The following MYO1E variants were observed in gnomAD, a reference collection of about 807,000 sequenced individuals.
MYO1E encodes the protein unconventional myosin-Ie.
Under a neutral mutation model 151.1 loss-of-function variants are expected in MYO1E, and 68 were observed. The ratio of observed to expected loss-of-function variants is 0.45; its 90% CI spans 0.37 to 0.55. The LOEUF is 0.55. Ranked by LOEUF, MYO1E falls within the 20% of genes least tolerant of loss-of-function variation. The probability of loss-of-function intolerance (pLI) is 0.00; values close to 1 mark genes in which losing one functional copy is unlikely to be tolerated. For missense variants in MYO1E, 1,363 were observed against 1,389.3 expected, an observed-to-expected ratio of 0.98 and a Z score of 0.30; for synonymous variants, 601 against 501.7, an observed-to-expected ratio of 1.20 and a Z score of -2.64.
chr15:59,157,654 G>T (rs976658613), intron 25 of MYO1E, among the ~76,000 whole-genome samples: 6 of 152,212 alleles, frequency 3.9e-5, no homozygotes, highest in African/African-American at 1.4e-4. Flanking sequence ...GGCAATTTGG[G>T]TATGCCAAAG....
chr15:59,152,466 G>T (rs2079487210), intron 26 of MYO1E, among the ~76,000 whole-genome samples: 3 of 152,124 alleles, frequency 2.0e-5, no homozygotes. Context: ...AGCAGACAGA[G>T]CCACTCCACC....
intron 1 of MYO1E, among the ~76,000 whole-genome samples, chr15:59,286,821 T>C (rs764918568): frequency 8.1e-4 from 123 of 152,158 alleles, no homozygotes; most frequent in Non-Finnish European, 1.3e-3. Flanking sequence ...TGGGGCAAAA[T>C]GTAACCATAA....
intron 1 of MYO1E, among the ~76,000 whole-genome samples, chr15:59,327,003 CA>C (rs1433551705): frequency 6.6e-6 from 1 of 152,190 alleles, no homozygotes; most frequent in Non-Finnish European, 1.5e-5. Context: ...AGGCTTCAGG[CA>C]ATCAGGCACC....
intron 16 of MYO1E, among the ~76,000 whole-genome samples, chr15:59,196,189 C>A (rs1252633143): frequency 6.6e-6 from 1 of 152,142 alleles, no homozygotes; most frequent in Non-Finnish European, 1.5e-5. Flanking sequence ...AGAGTCTGAA[C>A]ACTTTATCTG....
At chr15:59,158,220 C>A in intron 25 of MYO1E, 67 bp downstream of exon 25, 1 of 1,362,046 alleles carries the variant, frequency 7.3e-7, no homozygotes, top group Non-Finnish European at 1.0e-6. Context: ...GGTTTCTTCC[C>A]AAACATATTT....
chr15:59,151,450 C>A (rs1332637266), intron 26 of MYO1E, among the ~76,000 whole-genome samples: 4 of 151,832 alleles, frequency 2.6e-5, no homozygotes, highest in East Asian at 1.9e-4. Flanking sequence ...AAACCCCCCC[C>A]AAAAAAACCA....
intron 15 of MYO1E, among the ~76,000 whole-genome samples, chr15:59,203,857 T>C (rs1216469079): frequency 6.6e-6 from 1 of 152,194 alleles, no homozygotes; most frequent in Admixed American, 6.5e-5. Flanking sequence ...TCCATGTAAA[T>C]TAGCAATCTG....
chr15:59,280,866 G>A (rs1248438601), intron 1 of MYO1E, among the ~76,000 whole-genome samples: 1 of 152,096 alleles, frequency 6.6e-6, no homozygotes, highest in African/African-American at 2.4e-5. Context: ...TGGAAGCATT[G>A]TACCAAATAC....
intron 26 of MYO1E, among the ~76,000 whole-genome samples, chr15:59,150,436 G>A (rs2140304900): frequency 6.6e-6 from 1 of 152,354 alleles, no homozygotes; most frequent in African/African-American, 2.4e-5. Flanking sequence ...CCAGCTGGCT[G>A]ATGTGCAAGT....
At chr15:59,212,640 C>T (rs1161250516) in intron 12 of MYO1E, 2 of 151,756 alleles carry the variant, frequency 1.3e-5, no homozygotes, top group Non-Finnish European at 2.9e-5. Context: ...TTTTTTTTTA[C>T]AGTTCACTCT....
chr15:59,178,911 G>T (rs537847762), intron 18 of MYO1E, among the ~76,000 whole-genome samples: 1 of 152,298 alleles, frequency 6.6e-6, no homozygotes, highest in East Asian at 1.9e-4. Context: ...CTTCTTCAGG[G>T]CATTTAACAC....
Position 59,297,437 on chromosome 15 carries a change from A to ATTTTTTTTTTT in MYO1E, c.4-24999_4-24989dup, listed in dbSNP as rs755470049. Reference sequence around the variant, plus strand: ...AGGTACGCACCACCACACCCAGCTAATTTTTTTTTTTTTTTTTTTTTTTTA... The same window carrying ATTTTTTTTTTT: ...AGGTACGCACCACCACACCCAGCTAATTTTTTTTTTTTTTTTTTTTTTTTTTTTTTTTTTTA... On this transcript the variant is annotated intron_variant, in intron 1 of 27. Transcript: ENST00000288235. 2.8e-4 allele frequency among the ~76,000 whole-genome samples: 18 copies of ATTTTTTTTTTT among 63,486 alleles called. 3 individuals are homozygous for ATTTTTTTTTTT. The highest frequency in any genetic ancestry group is 7.9e-4 in the Admixed American group (3 of 3,780). The allele number at this position is 63,486 out of a possible 152,430, so 41.6% of individuals were successfully genotyped here.
At chr15:59,250,734 C>G (rs2080159712) in intron 4 of MYO1E, among the ~76,000 whole-genome samples, 1 of 152,092 alleles carries the variant, frequency 6.6e-6, no homozygotes. Flanking sequence ...GGCCTGTGTC[C>G]TTAACCTGGA....
chr15:59,296,835 TTTTC>T (rs1174915648), intron 1 of MYO1E, among the ~76,000 whole-genome samples: 4 of 146,258 alleles, frequency 2.7e-5, no homozygotes, highest in South Asian at 2.3e-4. Context: ...TCACATACTT[TTTTC>T]TTTTTTTTTT....
intron 16 of MYO1E, among the ~76,000 whole-genome samples, chr15:59,197,053 C>A (rs11633119): frequency 0.3 from 38,240 of 129,212 alleles, 5,695 homozygotes; most frequent in East Asian, 0.61. Context: ...AGTGCAGTGG[C>A]GTGATCTCTG....
chr15:59,157,403 C>G (rs756363827), intron 25 of MYO1E, among the ~76,000 whole-genome samples: 1 of 152,170 alleles, frequency 6.6e-6, no homozygotes, highest in African/African-American at 2.4e-5. Flanking sequence ...GTAGCCCCCT[C>G]CCCTCCTTAT....
At chr15:59,177,574 G>T (rs1397514630) in intron 19 of MYO1E, among the ~76,000 whole-genome samples, 1 of 152,202 alleles carries the variant, frequency 6.6e-6, no homozygotes, top group Non-Finnish European at 1.5e-5. Context: ...CGATGATGCT[G>T]AGCCTCGGTT....
At chr15:59,273,166 G>A (rs991344005) in intron 1 of MYO1E, among the ~76,000 whole-genome samples, 1 of 152,226 alleles carries the variant, frequency 6.6e-6, no homozygotes, top group Non-Finnish European at 1.5e-5. Context: ...ATCCCCGCAT[G>A]GCCCCCTTGG....
At chr15:59,295,463 G>T (rs189295831) in intron 1 of MYO1E, among the ~76,000 whole-genome samples, 2 of 152,300 alleles carry the variant, frequency 1.3e-5, no homozygotes. Context: ...GGAAGGCAAG[G>T]CTGAGTACTT....
Sources: gnomAD v4.1 joint callset for allele counts (sites outside exome capture counted in the v4.1 genomes callset) on GRCh38, gnomAD v4.1.1 for gene constraint, MANE v1.5 for transcripts, NCBI Gene and HGNC (gene_info 2026-07-23, HGNC 2026-07-21) for gene names.